EIF3A: variants seen among roughly 807,000 people sequenced by gnomAD.
EIF3A encodes EIF3, p180 subunit.
In EIF3A, 21 loss-of-function variants were observed where a neutral mutation model predicts 186.6. The ratio of observed to expected loss-of-function variants is 0.11; its 90% confidence interval spans 0.08 to 0.16. The LOEUF (loss-of-function observed/expected upper bound fraction) is 0.16. EIF3A is among the 10% of genes least tolerant of loss of function. The probability of loss-of-function intolerance (pLI) is 1.00; values close to 1 mark genes in which losing one functional copy is unlikely to be tolerated. For missense variants in EIF3A, 1,306 were observed against 1,796.3 expected (o/e 0.73, Z 4.93); for synonymous variants, 563 against 584.3 (o/e 0.96, Z 0.52).
At chr10:119,078,445 G>C (rs1429605613) in intron 1 of EIF3A, among the ~76,000 whole-genome samples, 1 of 152,138 alleles carries the variant, frequency 6.6e-6, no homozygotes, top group East Asian at 1.9e-4. Context: ...ATATTGTTAG[G>C]ATCACAAATA....
In EIF3A at chr10:119,044,042, A is replaced by T; in HGVS notation, c.2747+12T>A. ...GAACTGGAGCGGCATTATTTTCCTC[A>T]ACTCTACTTACTTCTCTGGCGGGCC... On this transcript the variant is annotated intron_variant, in intron 18 of 21. Coordinates refer to ENST00000369144, the MANE Select transcript of EIF3A (RefSeq NM_003750.4). 6.3e-7 allele frequency: 1 copy of T among 1,596,708 alleles called. No individual in the cohort carries two copies.
intron 14 of EIF3A, 103 bp from the exon 15 acceptor site, chr10:119,051,424 C>T: frequency 1.7e-6 from 2 of 1,146,790 alleles, no homozygotes; most frequent in Non-Finnish European, 2.4e-6. Context: ...TGCTCCACTG[C>T]CCCTTCTGTC....
chr10:119,074,332 G>GT (rs1844122557), intron 1 of EIF3A, among the ~76,000 whole-genome samples: 1 of 152,162 alleles, frequency 6.6e-6, no homozygotes, highest in African/African-American at 2.4e-5. Context: ...AGGCGTGGTG[G>GT]TATGTGCCTG....
chr10:119,058,285 G>A lies in EIF3A; in HGVS notation c.1648C>T (p.His550Tyr), dbSNP rs1182234064. The A allele has an allele frequency of 6.3e-7, 1 of 1,588,890 alleles. No homozygotes were observed. The highest frequency in any genetic ancestry group is 1.9e-4 in the Middle Eastern group (1 of 5,226). ...AHILQEKEEQHQLAVTAYLKN... is the reference protein window; with the variant it reads ...AHILQEKEEQYQLAVTAYLKN... Reference sequence around the variant, plus strand: ...AGGTATGCAGTGACAGCCAACTGATGCTGTTCTTCTTTCTCTTGCTTCAAA... The same window carrying A: ...AGGTATGCAGTGACAGCCAACTGATACTGTTCTTCTTTCTCTTGCTTCAAA... The change falls in exon 12 of 22, where the codon CAT (histidine) becomes TAT (tyrosine). Residue 550 changes from histidine to tyrosine, a missense_variant. Physicochemically the swap from His to Tyr is moderately conservative, Grantham distance 83. Transcript: ENST00000369144.
At chr10:119,078,944 A>G (rs143767119) in intron 1 of EIF3A, among the ~76,000 whole-genome samples, 1 of 151,950 alleles carries the variant, frequency 6.6e-6, no homozygotes, top group African/African-American at 2.4e-5. Flanking sequence ...GCCTACTAGC[A>G]CGGGGAAAAA....
intron 7 of EIF3A, among the ~76,000 whole-genome samples, chr10:119,065,029 C>T (rs983009767): frequency 6.6e-6 from 1 of 152,114 alleles, no homozygotes; most frequent in East Asian, 1.9e-4. Flanking sequence ...TATAGCAGTG[C>T]GAGAACATAC....
chr10:119,075,654 A>ATC (rs1183439922), intron 1 of EIF3A, among the ~76,000 whole-genome samples: 1 of 140,820 alleles, frequency 7.1e-6, no homozygotes, highest in Non-Finnish European at 1.5e-5. Flanking sequence ...ATATATACAT[A>ATC]TATATATATA....
chr10:119,077,886 C>T (rs983535167), intron 1 of EIF3A, among the ~76,000 whole-genome samples: 2 of 152,014 alleles, frequency 1.3e-5, no homozygotes, highest in African/African-American at 4.8e-5. Flanking sequence ...CCGGGGGAAG[C>T]TTTTGAGACT....
At chr10:119,039,590 A>G (rs1848181036) in intron 19 of EIF3A, among the ~76,000 whole-genome samples, 1 of 152,180 alleles carries the variant, frequency 6.6e-6, no homozygotes, top group Non-Finnish European at 1.5e-5. Flanking sequence ...GGATCTCTTG[A>G]GCCCAGGAGG....
chr10:119,039,858 A>G (rs1168995808), intron 19 of EIF3A, among the ~76,000 whole-genome samples: 1 of 152,244 alleles, frequency 6.6e-6, no homozygotes, highest in East Asian at 1.9e-4. Context: ...AACACATAAA[A>G]GACATTTTAT....
intron 5 of EIF3A, 106 bp from the exon 6 acceptor site, chr10:119,069,760 T>C (rs1358268935): frequency 3.0e-6 from 2 of 656,770 alleles, no homozygotes; most frequent in East Asian, 2.6e-5. Context: ...AAATAGCAAA[T>C]AAAATACCTT....
At chr10:119,071,982 G>A (rs191804065) in intron 4 of EIF3A, among the ~76,000 whole-genome samples, 6 of 122,664 alleles carry the variant, frequency 4.9e-5, no homozygotes, top group East Asian at 5.3e-4. Context: ...CCGAGATTGC[G>A]CCACTGCACT....
At chr10:119,067,084 C>T (rs1456359490) in intron 6 of EIF3A, among the ~76,000 whole-genome samples, 4 of 151,946 alleles carry the variant, frequency 2.6e-5, no homozygotes, top group Non-Finnish European at 4.4e-5. Context: ...GGCGTGGTGG[C>T]GCACGCCTGT....
At chr10:119,050,710 C>G (rs373543942) in intron 15 of EIF3A, 36 bp from the exon 16 acceptor site, 8 of 1,611,672 alleles carry the variant, frequency 5.0e-6, no homozygotes, top group Non-Finnish European at 6.8e-6. Flanking sequence ...AAAAAGGGCA[C>G]ACTTTGTCAA....
chr10:119,075,355 ATT>A (rs1183643077), intron 1 of EIF3A, among the ~76,000 whole-genome samples: 1 of 152,054 alleles, frequency 6.6e-6, no homozygotes, highest in Non-Finnish European at 1.5e-5. Flanking sequence ...TTTTATGCAT[ATT>A]GTTTGTTTTG....
chr10:119,047,884 G>A (rs1476497888), intron 17 of EIF3A, among the ~76,000 whole-genome samples: 1 of 152,030 alleles, frequency 6.6e-6, no homozygotes, highest in East Asian at 1.9e-4. Flanking sequence ...AAAAATAGAG[G>A]AGCAGAGAAA....
intron 10 of EIF3A, 50 bp from the exon 11 acceptor site, chr10:119,059,447 CA>C: frequency 1.4e-6 from 2 of 1,384,150 alleles, no homozygotes; most frequent in African/African-American, 1.4e-5. Flanking sequence ...AGCATGAAGT[CA>C]AAAAGTAACA....
At chr10:119,038,160 G>A (rs762174265) in intron 20 of EIF3A, 78 bp downstream of exon 20, 13 of 1,268,296 alleles carry the variant, frequency 1.0e-5, no homozygotes, top group East Asian at 5.0e-5. Context: ...CAGGTGATCC[G>A]CCCTCCCAAA....
chr10:119,074,918 C>CAAAA (rs1170284096), intron 1 of EIF3A, among the ~76,000 whole-genome samples: 19 of 24,150 alleles, frequency 7.9e-4, no homozygotes, highest in African/African-American at 1.1e-3. Flanking sequence ...AACTCCAACT[C>CAAAA]AAAAAAAAAA....
Sources: gnomAD v4.1 joint callset for allele counts (sites outside exome capture counted in the v4.1 genomes callset) on GRCh38, gnomAD v4.1.1 for gene constraint, MANE v1.5 for transcripts, NCBI Gene and HGNC (gene_info 2026-07-23, HGNC 2026-07-21) for gene names.